CRTC3: variants seen among roughly 807,000 people sequenced by gnomAD.
CRTC3 encodes the protein CREB regulated transcription coactivator 3, also known as CREB-regulated transcription coactivator 3.
CRTC3 carries 26 observed loss-of-function variants against 74.5 expected under a neutral mutation model. That is an observed-to-expected ratio of 0.35 (90% CI 0.26 to 0.48). The LOEUF (loss-of-function observed/expected upper bound fraction) is 0.48. Ranked by LOEUF, CRTC3 falls within the 20% of genes least tolerant of loss-of-function variation. The probability of loss-of-function intolerance (pLI) is 0.99; values close to 1 mark genes in which losing one functional copy is unlikely to be tolerated. For missense variants in CRTC3, 760 were observed against 787.3 expected (o/e 0.97, Z 0.41); for synonymous variants, 377 against 325.8 (o/e 1.16, Z -1.69).
At chr15:90,597,163 T>C (rs1425430927) in intron 3 of CRTC3, among the ~76,000 whole-genome samples, 1 of 152,244 alleles carries the variant, frequency 6.6e-6, no homozygotes, top group East Asian at 1.9e-4. Context: ...TGCTCCTGGC[T>C]GGGGGCCTGG....
chr15:90,547,977 C>CT (rs1055665755), intron 2 of CRTC3, among the ~76,000 whole-genome samples: 1 of 151,318 alleles, frequency 6.6e-6, no homozygotes, highest in Non-Finnish European at 1.5e-5. Context: ...CAACCTCCAC[C>CT]TCCTGGGCTC....
chr15:90,531,083 G>T (rs530506582), intron 1 of CRTC3, among the ~76,000 whole-genome samples: 3 of 152,132 alleles, frequency 2.0e-5, no homozygotes, highest in Admixed American at 2.0e-4. Flanking sequence ...GGACTGAGGC[G>T]GGGGAGACAG....
At chr15:90,568,829 A>G (rs1967186330) in intron 2 of CRTC3, among the ~76,000 whole-genome samples, 1 of 152,204 alleles carries the variant, frequency 6.6e-6, no homozygotes, top group Non-Finnish European at 1.5e-5. Flanking sequence ...CATCGAGGCA[A>G]GACCCTCTAC....
intron 2 of CRTC3, among the ~76,000 whole-genome samples, chr15:90,556,957 GCTATATATATATATATAT>G (rs1567164867): frequency 1.1e-5 from 1 of 89,680 alleles, no homozygotes; most frequent in South Asian, 3.7e-4. Flanking sequence ...TCACCACATG[GCTATATATATATATATAT>G]ATATATATAT....
intron 1 of CRTC3, among the ~76,000 whole-genome samples, chr15:90,539,041 G>A (rs1011872876): frequency 7.2e-5 from 11 of 152,172 alleles, no homozygotes; most frequent in African/African-American, 2.7e-4. Context: ...GCCCATCCTA[G>A]GGGCTTAGAT....
intron 2 of CRTC3, among the ~76,000 whole-genome samples, chr15:90,545,400 A>ATTTTTT (rs35381855): frequency 7.2e-6 from 1 of 138,000 alleles, no homozygotes; most frequent in African/African-American, 2.7e-5. Flanking sequence ...TGTGGTTTTA[A>ATTTTTT]TTTTTTTTTT....
chr15:90,612,480 T>C (rs1449347418), intron 6 of CRTC3, among the ~76,000 whole-genome samples: 1 of 152,012 alleles, frequency 6.6e-6, no homozygotes, highest in Non-Finnish European at 1.5e-5. Context: ...ATGGGGTATC[T>C]GCCAGCCACT....
intron 1 of CRTC3, among the ~76,000 whole-genome samples, chr15:90,534,859 G>A (rs1966690361): frequency 6.6e-6 from 1 of 152,072 alleles, no homozygotes; most frequent in Admixed American, 6.5e-5. Flanking sequence ...TGTTACCCTT[G>A]TCAGAAGGTG....
At chr15:90,593,541 A>G in intron 2 of CRTC3, 95 bp from the exon 3 acceptor site, 1 of 1,447,164 alleles carries the variant, frequency 6.9e-7, no homozygotes, top group South Asian at 1.3e-5. Flanking sequence ...AAACTGTAAA[A>G]TCGGTCCTTT....
rs972818468 is a variant in CRTC3, at chr15:90,529,962, GGAC to G, written c.-106_-104del. ...GGCGGCTCCTCTGCCGGGTCGCGCCGGACGACTGGCTTCGGGCGGCGGCCCCGG... is the reference window on the plus strand; with the variant it reads ...GGCGGCTCCTCTGCCGGGTCGCGCCGGACTGGCTTCGGGCGGCGGCCCCGG... On this transcript the variant is annotated 5_prime_UTR_variant, in exon 1 of 15. Coordinates refer to ENST00000268184, the MANE Select transcript of CRTC3 (RefSeq NM_022769.5). 2.3e-6 allele frequency: 2 copies of G among 887,720 alleles called. No individual in the cohort carries two copies. Among genetic ancestry groups the G allele is most frequent in the African/African-American group, 3.7e-5 (2 of 54,692 alleles). 55.0% of individuals were successfully genotyped at this position (887,720 alleles called of 1,614,324 possible).
intron 2 of CRTC3, among the ~76,000 whole-genome samples, chr15:90,585,911 T>C (rs935702129): frequency 1.3e-5 from 2 of 152,200 alleles, no homozygotes; most frequent in African/African-American, 2.4e-5. Context: ...ATTTTTGTTA[T>C]TTAGGGGCTT....
chr15:90,534,591 C>G (rs970634455), intron 1 of CRTC3, among the ~76,000 whole-genome samples: 1 of 122,708 alleles, frequency 8.1e-6, no homozygotes, highest in Non-Finnish European at 1.9e-5. Flanking sequence ...TTAATTAGGG[C>G]TAACAATGAA....
intron 2 of CRTC3, among the ~76,000 whole-genome samples, chr15:90,559,662 T>A (rs1005131620): frequency 3.3e-5 from 5 of 152,208 alleles, no homozygotes; most frequent in African/African-American, 7.2e-5. Flanking sequence ...TCTCACTCTG[T>A]CAGTCAGGCT....
In CRTC3 at chr15:90,642,567, C is replaced by T. The variant is rs1237323460; in HGVS notation, c.*427C>T. The T allele has an allele frequency of 1.9e-5, 6 of 312,512 alleles. No individual in the cohort carries two copies. Among genetic ancestry groups the T allele is most frequent in the East Asian group, 5.1e-5 (1 of 19,730 alleles). The allele number at this position is 312,512 out of a possible 1,614,324, so 19.4% of individuals were successfully genotyped here. On this transcript the variant is annotated 3_prime_UTR_variant, in exon 15 of 15. Coordinates refer to ENST00000268184, the MANE Select transcript of CRTC3 (RefSeq NM_022769.5). ...GAGTGGGAGGCTCGGCCTGGGGCGG[C>T]GGCACCGGAGAGGGCACCTCGATGC...
At chr15:90,557,505 G>T (rs78693755) in intron 2 of CRTC3, among the ~76,000 whole-genome samples, 39 of 152,252 alleles carry the variant, frequency 2.6e-4, no homozygotes, top group Admixed American at 7.8e-4. Context: ...TCTCAGACAC[G>T]TACAAATGGT....
intron 3 of CRTC3, chr15:90,599,143 T>A (rs1365732955): frequency 6.6e-6 from 1 of 152,108 alleles, no homozygotes; most frequent in East Asian, 1.9e-4. Context: ...TTTTTTAACT[T>A]TAATTTTTGT....
At position 90,532,081 on chromosome 15, in the gene CRTC3, C is replaced by A. The variant is rs1306308841; in HGVS notation, c.132+1878C>A. 5.9e-5 allele frequency among the ~76,000 whole-genome samples: 9 copies of A among 152,226 alleles called. No homozygotes were observed. The South Asian group carries it at 1.9e-3, about 32-fold the overall frequency. On this transcript the variant is annotated intron_variant, in intron 1 of 14. Transcript: ENST00000268184. ...AGTCACCACTTTATTCTAATTACTA[C>A]AAAATTATGGTGTCATTTTGCCCTT...
chr15:90,604,424 C>A lies in CRTC3; in HGVS notation c.453C>A (p.Phe151Leu). ...PPWKDEKHPGFRLTSALNRTN... is the reference protein window; with the variant it reads ...PPWKDEKHPGLRLTSALNRTN... ...GGAAAGACGAAAAGCATCCTGGGTT[C>A]AGGCTGACATCTGCACTTAACAGGT... Residue 151 changes from phenylalanine to leucine, a missense_variant, in exon 5 of 15, where the codon TTC becomes TTA. Around this residue, in one of 2 missense-constraint regions of CRTC3, gnomAD observed 652 missense variants for 635.2 expected, o/e 1.03. Transcript: ENST00000268184. 6.2e-7 allele frequency: 1 copy of A among 1,613,904 alleles called. No homozygotes were observed. The highest frequency in any genetic ancestry group is 1.1e-5 in the South Asian group (1 of 91,068).
intron 9 of CRTC3, among the ~76,000 whole-genome samples, chr15:90,621,286 A>C (rs1199115464): frequency 6.6e-6 from 1 of 152,184 alleles, no homozygotes; most frequent in Non-Finnish European, 1.5e-5. Context: ...TTTAGCCCTC[A>C]AGAGGTTTTT....
Sources: gnomAD v4.1 joint callset for allele counts (sites outside exome capture counted in the v4.1 genomes callset) on GRCh38, gnomAD v4.1.1 for gene constraint, gnomAD v4.1.1 regional missense constraint, MANE v1.5 for transcripts, NCBI Gene and HGNC (gene_info 2026-07-23, HGNC 2026-07-21) for gene names.